TYR: variants seen among roughly 807,000 people sequenced by gnomAD.
The protein encoded by TYR is tyrosinase, also known as LB24-AB.
In TYR, 58 loss-of-function variants were observed where a neutral mutation model predicts 51.5. The ratio of observed to expected loss-of-function variants is 1.13; its 90% CI spans 0.91 to 1.40. The LOEUF (loss-of-function observed/expected upper bound fraction) is 1.40, where lower values mean the gene tolerates loss of function less well. Ranked by LOEUF, TYR falls within the 40% of genes most tolerant of loss-of-function variation. The pLI, the probability that TYR is intolerant of heterozygous loss-of-function variation, is 0.00. For synonymous variants in TYR, 263 were observed against 235.2 expected, an observed-to-expected ratio of 1.12 and a Z score of -1.08; for missense variants, 732 against 647.4, an observed-to-expected ratio of 1.13 and a Z score of -1.42.
chr11:89,203,331 T>A (rs1244761549), intron 2 of TYR, among the ~76,000 whole-genome samples: 1 of 152,196 alleles, frequency 6.6e-6, no homozygotes, highest in Non-Finnish European at 1.5e-5. Flanking sequence ...TTCAGCCTGC[T>A]AAAGTAAAGC....
chr11:89,239,270 A>G (rs1944161063), intron 3 of TYR, among the ~76,000 whole-genome samples: 1 of 152,018 alleles, frequency 6.6e-6, no homozygotes, highest in Non-Finnish European at 1.5e-5. Flanking sequence ...TTATTGGTCT[A>G]TTAAGATTTT....
chr11:89,179,947 G>A (rs1462401989), intron 1 of TYR, among the ~76,000 whole-genome samples: 1 of 152,130 alleles, frequency 6.6e-6, no homozygotes, highest in East Asian at 1.9e-4. Context: ...CCCAATATGT[G>A]AATGGGATGG....
At chr11:89,225,832 T>C (rs1413986142) in intron 2 of TYR, among the ~76,000 whole-genome samples, 2 of 151,916 alleles carry the variant, frequency 1.3e-5, no homozygotes, top group Non-Finnish European at 2.9e-5. Context: ...TATTTTTAAA[T>C]AGCTAGAATA....
In TYR at chr11:89,216,272, G is replaced by T. The variant is rs1943830561; in HGVS notation, c.1037-11551G>T. ...TTAAACAGAGTAAGAAATATGACTT[G>T]TATGTATACTAAAAGCAACTGTGGC... On this transcript the variant is annotated intron_variant, in intron 2 of 4. Coordinates refer to ENST00000263321, the MANE Select transcript of TYR (RefSeq NM_000372.5). Among the ~76,000 whole-genome samples the T allele has an allele frequency of 2.0e-5, 3 of 152,126 alleles. No individual in the cohort carries two copies. In the South Asian group the frequency reaches 6.2e-4, roughly 32 times the overall value.
intron 4 of TYR, among the ~76,000 whole-genome samples, chr11:89,292,392 T>C (rs1167061446): frequency 1.3e-5 from 2 of 152,090 alleles, no homozygotes; most frequent in Non-Finnish European, 2.9e-5. Context: ...ATAACTGGAA[T>C]ATAATGTGAC....
At chr11:89,203,110 A>T (rs2135262892) in intron 2 of TYR, among the ~76,000 whole-genome samples, 1 of 152,372 alleles carries the variant, frequency 6.6e-6, no homozygotes, top group East Asian at 1.9e-4. Flanking sequence ...CAGAGAAAAC[A>T]AAATTAGTAC....
At chr11:89,275,246 A>T (rs528335206) in intron 3 of TYR, among the ~76,000 whole-genome samples, 1 of 151,956 alleles carries the variant, frequency 6.6e-6, no homozygotes, top group African/African-American at 2.4e-5. Context: ...GAAGATGCCT[A>T]GTTCTCACTT....
At chr11:89,240,756 A>G (rs1037081817) in intron 3 of TYR, among the ~76,000 whole-genome samples, 12 of 152,304 alleles carry the variant, frequency 7.9e-5, no homozygotes, top group African/African-American at 1.9e-4. Context: ...ACAGTAATAC[A>G]TTAGTACAGT....
intron 3 of TYR, among the ~76,000 whole-genome samples, chr11:89,261,226 T>C (rs1430297013): frequency 6.6e-6 from 1 of 152,146 alleles, no homozygotes; most frequent in East Asian, 1.9e-4. Flanking sequence ...AATGACATTT[T>C]ATCAGCCATT....
intron 4 of TYR, among the ~76,000 whole-genome samples, chr11:89,293,042 AATT>A (rs1274880452): frequency 6.6e-6 from 1 of 152,156 alleles, no homozygotes; most frequent in Non-Finnish European, 1.5e-5. Context: ...GTAGTAATAA[AATT>A]ATTCCTTTTA....
chr11:89,247,775 C>G (rs1944284870), intron 3 of TYR, among the ~76,000 whole-genome samples: 1 of 152,128 alleles, frequency 6.6e-6, no homozygotes, highest in South Asian at 2.1e-4. Context: ...TTAGGAGATC[C>G]TGGGGGCAAT....
chr11:89,212,218 G>T (rs1488216490), intron 2 of TYR, among the ~76,000 whole-genome samples: 3 of 152,100 alleles, frequency 2.0e-5, no homozygotes, highest in South Asian at 4.1e-4. Context: ...AAAGAGAGAA[G>T]AATCAAATAT....
intron 3 of TYR, among the ~76,000 whole-genome samples, chr11:89,258,059 C>T (rs1944415463): frequency 6.6e-6 from 1 of 151,936 alleles, no homozygotes; most frequent in Non-Finnish European, 1.5e-5. Flanking sequence ...AAAGATTGTG[C>T]TAATTGATTC....
At chr11:89,207,946 G>A (rs972914777) in intron 2 of TYR, among the ~76,000 whole-genome samples, 23 of 152,280 alleles carry the variant, frequency 1.5e-4, no homozygotes, top group African/African-American at 5.5e-4. Flanking sequence ...TCTTACAGCT[G>A]CATATAATTC....
chr11:89,292,742 A>G (rs982663937), intron 4 of TYR, among the ~76,000 whole-genome samples: 3 of 152,162 alleles, frequency 2.0e-5, no homozygotes, highest in Non-Finnish European at 4.4e-5. Flanking sequence ...GAATGAGTTA[A>G]GGTAAAGAAA....
chr11:89,253,993 T>G (rs1328421112), intron 3 of TYR, among the ~76,000 whole-genome samples: 1 of 151,736 alleles, frequency 6.6e-6, no homozygotes, highest in Non-Finnish European at 1.5e-5. Flanking sequence ...CATTGAGGTA[T>G]GTCTCTTGTA....
chr11:89,273,226 A>C (rs1355475003), intron 3 of TYR, among the ~76,000 whole-genome samples: 1 of 151,892 alleles, frequency 6.6e-6, no homozygotes, highest in Non-Finnish European at 1.5e-5. Context: ...CCTCTAGGTA[A>C]TTATTCCTAC....
chr11:89,198,735 C>A (rs1943556508), intron 2 of TYR, among the ~76,000 whole-genome samples: 1 of 147,944 alleles, frequency 6.8e-6, no homozygotes, highest in African/African-American at 2.6e-5. Flanking sequence ...TCATTTTACT[C>A]AAAAGGTAAC....
At chr11:89,283,654 A>G (rs1944745493) in intron 3 of TYR, 1 of 151,800 alleles carries the variant, frequency 6.6e-6, no homozygotes, top group Non-Finnish European at 1.5e-5. Flanking sequence ...GGCCTCAAGA[A>G]GAGTTCCCCA....
Sources: allele counts gnomAD v4.1 joint callset (sites outside exome capture counted in the v4.1 genomes callset), GRCh38; gene constraint gnomAD v4.1.1; transcripts MANE v1.5; gene names NCBI Gene and HGNC (gene_info 2026-07-23, HGNC 2026-07-21).